The following CD8B variants were observed in gnomAD, a reference collection of about 807,000 sequenced individuals.
The protein encoded by CD8B is CD8 subunit beta, also known as T-cell surface glycoprotein CD8 beta chain.
Under a neutral mutation model 24.2 loss-of-function variants are expected in CD8B, and 6 were observed. That is an observed-to-expected ratio of 0.25 (90% CI 0.14 to 0.49). The LOEUF is 0.49. CD8B is among the 20% of genes least tolerant of loss of function. CD8B has a pLI of 0.98. For synonymous variants in CD8B, 84 were observed against 108.3 expected, an observed-to-expected ratio of 0.78 and a Z score of 1.39; for missense variants, 196 against 271.3, an observed-to-expected ratio of 0.72 and a Z score of 1.95.
chr2:86,821,319 T>C (rs1295242213), intron 5 of CD8B, among the ~76,000 whole-genome samples: 2 of 152,138 alleles, frequency 1.3e-5, no homozygotes, highest in Admixed American at 6.5e-5. Context: ...TGGTGTGATT[T>C]CTAAGACGCC....
chr2:86,832,162 CT>C (rs1381093371), intron 5 of CD8B, among the ~76,000 whole-genome samples: 2 of 152,048 alleles, frequency 1.3e-5, no homozygotes, highest in African/African-American at 4.8e-5. Context: ...AATAAATTAC[CT>C]TGAGTGATTA....
chr2:86,817,618 A>T (rs1674307514), intron 5 of CD8B, among the ~76,000 whole-genome samples: 1 of 152,198 alleles, frequency 6.6e-6, no homozygotes, highest in African/African-American at 2.4e-5. Context: ...CTTACATAAT[A>T]AGAGAATCAC....
At position 86,842,131 on chromosome 2, in the gene CD8B, C is replaced by G; in HGVS notation, c.*176G>C. ...CCTAGTATTCCCGATGACCCACGAA[C>G]AAGTTGCTCCCATGCACATCACACA... is the stretch of plus-strand genomic sequence containing the variant. On this transcript the variant is annotated 3_prime_UTR_variant, in exon 6 of 6. Transcript: ENST00000390655. 2 of 1,442,686 alleles carry G rather than the reference C, an allele frequency of 1.4e-6. No individual in the cohort carries two copies. Among genetic ancestry groups the G allele is most frequent in the Middle Eastern group, 4.6e-4 (2 of 4,304 alleles). The allele number at this position is 1,442,686 out of a possible 1,614,324, so 89.4% of individuals were successfully genotyped here.
intron 1 of CD8B, among the ~76,000 whole-genome samples, chr2:86,861,599 G>A (rs1404206679): frequency 2.0e-5 from 3 of 152,140 alleles, no homozygotes; most frequent in African/African-American, 7.2e-5. Context: ...GAGGGGAGGT[G>A]GCCTCAGTCC....
At chr2:86,818,848 A>C (rs1171662729) in intron 5 of CD8B, among the ~76,000 whole-genome samples, 1 of 152,260 alleles carries the variant, frequency 6.6e-6, no homozygotes, top group African/African-American at 2.4e-5. Flanking sequence ...GACAGGCTGA[A>C]AGCTAGGTCT....
rs59979402 is a variant in CD8B at position 86,819,714 on chromosome 2, C to T, written c.621-3996G>A. 9.3e-4 allele frequency among the ~76,000 whole-genome samples: 142 copies of T among 152,232 alleles called. 1 individual carries two copies. The East Asian group carries it at 0.023, about 24-fold the overall frequency. ...ATATTGTTTTTCATGACTGGTAAAACAACATTGATTTTACATGGACCAAGG... is the reference window on the plus strand; with the variant it reads ...ATATTGTTTTTCATGACTGGTAAAATAACATTGATTTTACATGGACCAAGG... On this transcript the variant is annotated intron_variant, in intron 5 of 5. Transcript: ENST00000331469.
At position 86,857,956 on chromosome 2, in the gene CD8B, C is replaced by T. The variant is rs551358594; in HGVS notation, c.403+101G>A. 140 of 1,237,900 alleles carry T rather than the reference C, an allele frequency of 1.1e-4. 1 individual carries two copies. In the Admixed American group the frequency reaches 2.1e-3, roughly 19 times the overall value. The allele number at this position is 1,237,900 out of a possible 1,614,324, so 76.7% of individuals were successfully genotyped here. ...CTATTAGCAGCAGTGCCATTAGTCA[C>T]GGCTGCAGAGTGGGGCACACTGAAG... On this transcript the variant is annotated intron_variant, in intron 2 of 5. Transcript: ENST00000390655.
chr2:86,818,265 G>T (rs1674335402), intron 5 of CD8B, among the ~76,000 whole-genome samples: 1 of 151,992 alleles, frequency 6.6e-6, no homozygotes, highest in South Asian at 2.1e-4. Flanking sequence ...AATTAACAGA[G>T]TAACTGTATG....
rs1275821372 is a variant in CD8B at position 86,840,780 on chromosome 2, G to A, written c.*1527C>T. On this transcript the variant is annotated 3_prime_UTR_variant, in exon 6 of 6. Coordinates refer to ENST00000390655, the MANE Select transcript of CD8B (RefSeq NM_004931.5). The stretch of plus-strand genomic sequence containing the variant: ...AACTTACACTCAAGGCCCTCCTTCC[G>A]GTAACACTGCATCTATGCCTTTCTA... 2.0e-5 allele frequency among the ~76,000 whole-genome samples: 3 copies of A among 152,020 alleles called. No homozygotes were observed. The highest frequency in any genetic ancestry group is 2.9e-5 in the Non-Finnish European group (2 of 67,994).
At chr2:86,820,169 G>A (rs188200876) in intron 5 of CD8B, among the ~76,000 whole-genome samples, 2 of 152,338 alleles carry the variant, frequency 1.3e-5, no homozygotes, top group East Asian at 3.9e-4. Flanking sequence ...GAACATTGTT[G>A]AAATGACAAC....
intron 1 of CD8B, among the ~76,000 whole-genome samples, chr2:86,861,192 G>C (rs1676567074): frequency 6.6e-6 from 1 of 151,994 alleles, no homozygotes. Flanking sequence ...TCTTCCAAAA[G>C]GCAGTCTGGC....
At chr2:86,815,796 T>G in intron 5 of CD8B, 1 of 809,334 alleles carries the variant, frequency 1.2e-6, no homozygotes, top group Non-Finnish European at 2.1e-6. Flanking sequence ...TAATGACTGA[T>G]TTTTTTCTGT....
intron 1 of CD8B, among the ~76,000 whole-genome samples, chr2:86,859,547 T>C (rs1165827027): frequency 1.3e-5 from 2 of 152,214 alleles, no homozygotes; most frequent in South Asian, 2.1e-4. Context: ...TATGGCCATG[T>C]ACACAGGTAA....
In CD8B at chr2:86,858,179, C is replaced by T. The variant is rs201066720; in HGVS notation, c.281G>A (p.Arg94Gln). 1.4e-5 allele frequency: 22 copies of T among 1,589,378 alleles called. No homozygotes were observed. The highest frequency in any genetic ancestry group is 1.7e-4 in the Middle Eastern group (1 of 6,048). Reference protein sequence around the residue: ...EVEQEKIAVFRDASRFILNLT... With the variant: ...EVEQEKIAVFQDASRFILNLT... ...ATTGAGAATGAACCGGCTTGCATCC[C>T]GAAACACAGCTATCTTCTCCTGTTC... Residue 94 changes from arginine (R) to glutamine (Q), a missense_variant, in exon 2 of 6, where the codon CGG becomes CAG. Coordinates refer to ENST00000390655, the MANE Select transcript of CD8B (RefSeq NM_004931.5).
chr2:86,858,097 G>A lies in CD8B; in HGVS notation c.363C>T (p.Ser121=), dbSNP rs1292222752. 1.2e-6 allele frequency: 2 copies of A among 1,613,974 alleles called. No homozygotes were observed. Among genetic ancestry groups the A allele is most frequent in the Non-Finnish European group, 1.7e-6 (2 of 1,179,868 alleles). ...SGIYFCMIVG[S]PELTFGKGTQ... is the part of the protein sequence containing the mutation. Reference sequence around the variant, plus strand: ...TTCCCTTCCCGAAGGTCAGCTCGGGGCTCCCGACGATCATGCAGAAGTAGA... The same window carrying A: ...TTCCCTTCCCGAAGGTCAGCTCGGGACTCCCGACGATCATGCAGAAGTAGA... Residue 121 remains serine (S), a synonymous_variant, in exon 2 of 6, where the codon AGC becomes AGT. Transcript: ENST00000390655.
In CD8B at chr2:86,842,128, G is replaced by A. The variant is rs529609845; in HGVS notation, c.*179C>T. The A allele has an allele frequency of 9.1e-6, 13 of 1,436,278 alleles. No individual in the cohort carries two copies. In the African/African-American group the frequency reaches 1.4e-4, roughly 16 times the overall value. The allele number at this position is 1,436,278 out of a possible 1,614,324, so 89.0% of individuals were successfully genotyped here. On this transcript the variant is annotated 3_prime_UTR_variant, in exon 6 of 6. Transcript: ENST00000390655. ...CTCCCTAGTATTCCCGATGACCCACGAACAAGTTGCTCCCATGCACATCAC... is the reference window on the plus strand; with the variant it reads ...CTCCCTAGTATTCCCGATGACCCACAAACAAGTTGCTCCCATGCACATCAC...
At chr2:86,826,291 T>C (rs908667867) in intron 5 of CD8B, among the ~76,000 whole-genome samples, 1 of 152,028 alleles carries the variant, frequency 6.6e-6, no homozygotes. Context: ...TGGCGGGTGA[T>C]GCAGCAATAA....
At position 86,859,721 on chromosome 2, in the gene CD8B, A is replaced by G. The variant is rs537092867; in HGVS notation, c.44-1305T>C. Among the ~76,000 whole-genome samples the G allele has an allele frequency of 9.2e-4, 138 of 150,744 alleles. 4 individuals carry two copies. The East Asian group carries it at 0.026, about 28-fold the overall frequency. On this transcript the variant is annotated intron_variant, in intron 1 of 5. Coordinates refer to ENST00000390655, the MANE Select transcript of CD8B (RefSeq NM_004931.5). Reference sequence around the variant, plus strand: ...TTTTGGCTGTGGAGCAAAGGGAGACATTGCAGGCCAGGGCAGAGATGCAGG... The same window carrying G: ...TTTTGGCTGTGGAGCAAAGGGAGACGTTGCAGGCCAGGGCAGAGATGCAGG...
intron 5 of CD8B, among the ~76,000 whole-genome samples, chr2:86,830,274 T>C (rs1674856258): frequency 6.6e-6 from 1 of 152,198 alleles, no homozygotes; most frequent in Non-Finnish European, 1.5e-5. Flanking sequence ...CTGATGCATG[T>C]CTTTGCCACT....
Sources: allele counts gnomAD v4.1 joint callset (sites outside exome capture counted in the v4.1 genomes callset), GRCh38; gene constraint gnomAD v4.1.1; transcripts MANE v1.5; gene names NCBI Gene and HGNC (gene_info 2026-07-23, HGNC 2026-07-21).